Variants in PCGF5 observed in about 807,000 individuals in gnomAD.
The protein encoded by PCGF5 is polycomb group ring finger 5.
PCGF5 carries 9 observed loss-of-function variants against 44.3 expected under a neutral mutation model. The observed-to-expected ratio is 0.20, with a 90% CI of 0.12 to 0.35. The LOEUF is 0.35. PCGF5 is among the 10% of genes least tolerant of loss of function. The pLI is 1.00. For synonymous variants in PCGF5, 95 were observed against 102.5 expected (o/e 0.93, Z 0.44); for missense variants, 146 against 305.3 (o/e 0.48, Z 3.89).
At chr10:91,178,141 A>G (rs1337873429) in intron 1 of PCGF5, among the ~76,000 whole-genome samples, 6 of 152,368 alleles carry the variant, frequency 3.9e-5, no homozygotes, top group Middle Eastern at 3.4e-3. Context: ...ACTGACTGCA[A>G]TGTAGGCTGG....
intron 8 of PCGF5, 89 bp downstream of exon 8, chr10:91,264,609 CA>C: frequency 9.9e-7 from 1 of 1,006,988 alleles, no homozygotes; most frequent in Non-Finnish European, 1.4e-6. Context: ...CTAAAAAAGA[CA>C]AACTAGCTTG....
At chr10:91,200,551 C>T (rs1448315519) in intron 1 of PCGF5, among the ~76,000 whole-genome samples, 1 of 152,080 alleles carries the variant, frequency 6.6e-6, no homozygotes, top group Non-Finnish European at 1.5e-5. Context: ...TGTTGAGGTG[C>T]TGCTATAAGG....
chr10:91,236,765 C>T (rs1845176718), intron 2 of PCGF5, among the ~76,000 whole-genome samples: 1 of 152,140 alleles, frequency 6.6e-6, no homozygotes, highest in East Asian at 1.9e-4. Context: ...CCAGTTTCAC[C>T]GAGCTTCAAG....
At chr10:91,218,527 G>T (rs1844589948), upstream of PCGF5, among the ~76,000 whole-genome samples, 1 of 152,148 alleles carries the variant, frequency 6.6e-6, no homozygotes, top group Non-Finnish European at 1.5e-5. Flanking sequence ...AGGCAGCACA[G>T]CAGCTGAAAG....
intron 1 of PCGF5, among the ~76,000 whole-genome samples, chr10:91,206,623 G>A (rs1844352097): frequency 6.6e-6 from 1 of 152,106 alleles, no homozygotes; most frequent in African/African-American, 2.4e-5. Context: ...AAGAACACTG[G>A]GTAGGTAGAA....
chr10:91,172,137 C>G (rs1173357193), intron 1 of PCGF5, among the ~76,000 whole-genome samples: 1 of 152,162 alleles, frequency 6.6e-6, no homozygotes, highest in Admixed American at 6.6e-5. Context: ...TAATATTGCC[C>G]TCTAGGGCCA....
At chr10:91,254,740 A>G (rs370117189) in intron 6 of PCGF5, among the ~76,000 whole-genome samples, 13 of 152,144 alleles carry the variant, frequency 8.5e-5, no homozygotes, top group African/African-American at 1.7e-4. Flanking sequence ...TGGGATGTCA[A>G]TAAAAAGAGT....
chr10:91,175,100 A>G (rs1478014895), intron 1 of PCGF5, among the ~76,000 whole-genome samples: 2 of 152,200 alleles, frequency 1.3e-5, no homozygotes, highest in Non-Finnish European at 2.9e-5. Context: ...GTGGGGCATA[A>G]GCCTGAAAAT....
chr10:91,237,033 T>G (rs1009881546), intron 2 of PCGF5, among the ~76,000 whole-genome samples: 2 of 152,230 alleles, frequency 1.3e-5, no homozygotes, highest in Admixed American at 6.5e-5. Context: ...ACACATACAT[T>G]GGTTAACAAA....
intron 2 of PCGF5, among the ~76,000 whole-genome samples, chr10:91,230,698 C>G (rs1000536804): frequency 1.3e-5 from 2 of 152,134 alleles, no homozygotes; most frequent in Non-Finnish European, 2.9e-5. Flanking sequence ...CTCCCTACCC[C>G]ACTTCCATCC....
chr10:91,165,925 G>A lies in PCGF5; in HGVS notation c.-184+2844G>A, dbSNP rs1489328122. ...TCAGGACTCAGTACTTCTGAAGTTA[G>A]TGCTGAAGAAGAATGGGCTTCTAGC... On this transcript the variant is annotated intron_variant, in intron 1 of 9. Coordinates refer to the PCGF5 transcript ENST00000614189. 2.0e-5 allele frequency among the ~76,000 whole-genome samples: 3 copies of A among 152,206 alleles called. No individual in the cohort carries two copies. The East Asian group carries it at 5.8e-4, about 29-fold the overall frequency.
intron 1 of PCGF5, among the ~76,000 whole-genome samples, chr10:91,175,222 TTAAAG>T (rs1047678410): frequency 2.0e-5 from 3 of 152,052 alleles, no homozygotes; most frequent in African/African-American, 4.8e-5. Flanking sequence ...TCTGAATAAA[TTAAAG>T]TAAAATAGAG....
chr10:91,261,357 C>T lies in PCGF5; in HGVS notation c.506C>T (p.Thr169Ile). Residue 169 changes from threonine to isoleucine, a missense_variant, in exon 7 of 10, where the codon ACA becomes ATA. Physicochemically the swap from Thr to Ile is moderately conservative, Grantham distance 89. Around this residue, in one of 3 missense-constraint regions of PCGF5, gnomAD observed 123 missense variants for 268.6 expected, o/e 0.46. Transcript: ENST00000336126. ...ATGAAGAAATTCATTCGATGTTCTA[C>T]ACGTGTAACTGTGGGAACTATTAAA... ...GLMKKFIRCS[T>I]RVTVGTIKKF... 6.6e-7 allele frequency: 1 copy of T among 1,506,886 alleles called. No homozygotes were observed. The highest frequency in any genetic ancestry group is 9.0e-7 in the Non-Finnish European group (1 of 1,115,248). The allele number at this position is 1,506,886 out of a possible 1,614,324, so 93.3% of individuals were successfully genotyped here.
chr10:91,261,507 A>G, intron 7 of PCGF5, 83 bp downstream of exon 7: 1 of 1,285,882 alleles, frequency 7.8e-7, no homozygotes. Flanking sequence ...AACTGAGAAT[A>G]TATTCAAATT....
At chr10:91,176,293 T>G in intron 1 of PCGF5, among the ~76,000 whole-genome samples, 1 of 152,358 alleles carries the variant, frequency 6.6e-6, no homozygotes, top group South Asian at 2.1e-4. Context: ...GTTAGTCTGA[T>G]GGGCTTCCCT....
chr10:91,187,489 C>G (rs1341689309), intron 1 of PCGF5, among the ~76,000 whole-genome samples: 3 of 151,818 alleles, frequency 2.0e-5, no homozygotes, highest in Non-Finnish European at 4.4e-5. Flanking sequence ...ATCAGAGAAG[C>G]ACACCTAAGG....
intron 2 of PCGF5, among the ~76,000 whole-genome samples, chr10:91,237,197 A>G (rs1425725337): frequency 6.6e-6 from 1 of 152,248 alleles, no homozygotes; most frequent in Non-Finnish European, 1.5e-5. Flanking sequence ...GTATTGAATT[A>G]AATATATGTT....
At chr10:91,168,723 T>G (rs1374439375) in intron 1 of PCGF5, among the ~76,000 whole-genome samples, 1 of 151,716 alleles carries the variant, frequency 6.6e-6, no homozygotes, top group Admixed American at 6.6e-5. Context: ...GGTCAAGAGT[T>G]CCAGACCAGT....
At chr10:91,218,734 G>A (rs1210073495), upstream of PCGF5, among the ~76,000 whole-genome samples, 1 of 152,070 alleles carries the variant, frequency 6.6e-6, no homozygotes, top group Non-Finnish European at 1.5e-5. Flanking sequence ...CTAGGTTCAA[G>A]CGATTCTCCT....
Sources: allele counts gnomAD v4.1 joint callset (sites outside exome capture counted in the v4.1 genomes callset), GRCh38; gene constraint gnomAD v4.1.1; regional missense constraint gnomAD v4.1.1; transcripts MANE v1.5; gene names NCBI Gene and HGNC (gene_info 2026-07-23, HGNC 2026-07-21).